FOXN3: variants seen among roughly 807,000 people sequenced by gnomAD.
The protein encoded by FOXN3 is forkhead box protein N3.
Under a neutral mutation model 38.4 loss-of-function variants are expected in FOXN3, and 7 were observed. The observed-to-expected ratio is 0.18, with a 90% confidence interval of 0.10 to 0.34. The LOEUF (loss-of-function observed/expected upper bound fraction) is 0.34. Ranked by LOEUF, FOXN3 falls within the 10% of genes least tolerant of loss-of-function variation. The pLI is 1.00. For missense variants in FOXN3, 456 were observed against 613.4 expected (o/e 0.74, Z 2.71); for synonymous variants, 230 against 242.2 (o/e 0.95, Z 0.47).
At chr14:89,264,738 A>T (rs546021598) in intron 4 of FOXN3, among the ~76,000 whole-genome samples, 2 of 152,268 alleles carry the variant, frequency 1.3e-5, no homozygotes, top group African/African-American at 4.8e-5. Context: ...GTTTCCACAA[A>T]CAAGTGCCAT....
chr14:89,363,959 T>TATATATATATATATA lies in FOXN3; in HGVS notation c.544-13166_544-13152dup, dbSNP rs1890004127. On this transcript the variant is annotated intron_variant, in intron 2 of 5. Transcript: ENST00000557258. ...ACCCTGTCTGTAAAATATATATATA[T>TATATATATATATATA]ATATATATATATATATATATATATA... 4.7e-4 allele frequency among the ~76,000 whole-genome samples: 5 copies of TATATATATATATATA among 10,688 alleles called. No individual in the cohort carries two copies. The South Asian group carries it at 0.019, about 40-fold the overall frequency. 7.0% of individuals were successfully genotyped at this position (10,688 alleles called of 152,430 possible).
intron 1 of FOXN3, among the ~76,000 whole-genome samples, chr14:89,488,205 C>T (rs1338334289): frequency 3.9e-5 from 6 of 151,924 alleles, no homozygotes; most frequent in African/African-American, 1.5e-4. Context: ...GCCTCAGCCT[C>T]CCCAGTAGCT....
chr14:89,447,177 C>A (rs1346212638), intron 1 of FOXN3, among the ~76,000 whole-genome samples: 1 of 140,722 alleles, frequency 7.1e-6, no homozygotes, highest in Admixed American at 7.4e-5. Flanking sequence ...GCCTGGACAA[C>A]AAGAGCAAAA....
chr14:89,523,732 G>A (rs1186629417), intron 1 of FOXN3, among the ~76,000 whole-genome samples: 1 of 151,584 alleles, frequency 6.6e-6, no homozygotes, highest in Admixed American at 6.6e-5. Context: ...TATTCGAAAA[G>A]AAAGGTCTTA....
rs141757720 is a variant in FOXN3 at position 89,410,781 on chromosome 14, G to A, written c.543+1153C>T. On this transcript the variant is annotated intron_variant, in intron 2 of 5. Transcript: ENST00000557258. ...CCAGCTTGTTCGAAGGCTGAGATGC[G>A]AGGATCACTCAAGCCCAGGAGGTCA... Among the ~76,000 whole-genome samples the A allele has an allele frequency of 4.0e-3, 611 of 151,802 alleles. 7 individuals are homozygous for A. Among genetic ancestry groups the A allele is most frequent in the African/African-American group, 0.013 (558 of 41,378 alleles).
intron 1 of FOXN3, among the ~76,000 whole-genome samples, chr14:89,536,831 A>T (rs2139843514): frequency 6.6e-6 from 1 of 152,252 alleles, no homozygotes; most frequent in East Asian, 1.9e-4. Context: ...AAATAAGGTC[A>T]TCCTCCAGGT....
intron 4 of FOXN3, among the ~76,000 whole-genome samples, chr14:89,257,108 T>A (rs1885647623): frequency 6.6e-6 from 1 of 151,784 alleles, no homozygotes; most frequent in Admixed American, 6.6e-5. Flanking sequence ...GCGGTGAGAG[T>A]CCCCCAGGGC....
intron 1 of FOXN3, among the ~76,000 whole-genome samples, chr14:89,441,774 A>C (rs1596275037): frequency 6.6e-6 from 1 of 152,266 alleles, no homozygotes; most frequent in East Asian, 1.9e-4. Context: ...AGTAGGCAGG[A>C]AGTTGGGATC....
At chr14:89,363,968 A>AT (rs1555421729) in intron 2 of FOXN3, among the ~76,000 whole-genome samples, 1 of 120,452 alleles carries the variant, frequency 8.3e-6, no homozygotes, top group African/African-American at 4.9e-5. Flanking sequence ...ATATATATAT[A>AT]TATATATATA....
intron 1 of FOXN3, among the ~76,000 whole-genome samples, chr14:89,531,740 T>C (rs933740332): frequency 3.9e-5 from 6 of 152,260 alleles, no homozygotes; most frequent in African/African-American, 1.4e-4. Context: ...ATCAGCAAAG[T>C]ACAATATCTA....
chr14:89,375,151 G>C (rs1278166883), intron 2 of FOXN3, among the ~76,000 whole-genome samples: 2 of 152,152 alleles, frequency 1.3e-5, no homozygotes, highest in Admixed American at 6.5e-5. Flanking sequence ...AACTTTTCAT[G>C]ATGAAACTGT....
At chr14:89,324,523 G>C (rs528885324) in intron 3 of FOXN3, among the ~76,000 whole-genome samples, 1 of 151,648 alleles carries the variant, frequency 6.6e-6, no homozygotes, top group Admixed American at 6.6e-5. Context: ...AAACAAAGCG[G>C]CAGTAGGATA....
intron 2 of FOXN3, among the ~76,000 whole-genome samples, chr14:89,365,754 T>C (rs1890122612): frequency 6.6e-6 from 1 of 152,166 alleles, no homozygotes; most frequent in African/African-American, 2.4e-5. Context: ...TTTATATACT[T>C]CTAATAGCTG....
chr14:89,180,718 C>A lies in FOXN3; in HGVS notation c.834G>T (p.Gly278=), dbSNP rs755521140. ...GVRPLPITPI[G]VTAAMRNGIT... ...CCACTTACCTCATGGCCGCTGTCAC[C>A]CCAATGGGAGTGATTGGCAGCGGCC... Residue 278 remains glycine (G), a synonymous_variant, in exon 5 of 6, where the codon GGG becomes GGT. Coordinates refer to ENST00000557258, the MANE Select transcript of FOXN3 (RefSeq NM_005197.4). The A allele has an allele frequency of 2.5e-6, 4 of 1,610,376 alleles. No individual in the cohort carries two copies. The highest frequency in any genetic ancestry group is 3.4e-6 in the Non-Finnish European group (4 of 1,178,232).
intron 1 of FOXN3, among the ~76,000 whole-genome samples, chr14:89,509,063 T>C (rs1894004755): frequency 6.6e-6 from 1 of 151,882 alleles, no homozygotes; most frequent in African/African-American, 2.4e-5. Flanking sequence ...TGCTCTGAGC[T>C]CATCTCCTAC....
chr14:89,616,025 AG>A (rs1477963169), intron 1 of FOXN3, among the ~76,000 whole-genome samples: 1 of 152,240 alleles, frequency 6.6e-6, no homozygotes, highest in East Asian at 1.9e-4. Context: ...CATGACTTAA[AG>A]GAAGACGTTT....
At chr14:89,380,606 C>T (rs755421976) in intron 2 of FOXN3, among the ~76,000 whole-genome samples, 1 of 152,216 alleles carries the variant, frequency 6.6e-6, no homozygotes, top group Non-Finnish European at 1.5e-5. Flanking sequence ...ACTGGAACCA[C>T]ACCCCTTATA....
intron 1 of FOXN3, among the ~76,000 whole-genome samples, chr14:89,550,313 T>C (rs1894976603): frequency 6.6e-6 from 1 of 152,176 alleles, no homozygotes; most frequent in Admixed American, 6.5e-5. Flanking sequence ...GGTCTTCATT[T>C]TCCAAATCAA....
At chr14:89,368,395 C>T (rs1890218735) in intron 2 of FOXN3, among the ~76,000 whole-genome samples, 1 of 151,664 alleles carries the variant, frequency 6.6e-6, no homozygotes, top group African/African-American at 2.4e-5. Context: ...ATAATCCCAG[C>T]ACTTTGGGAG....
Sources: allele counts gnomAD v4.1 joint callset (sites outside exome capture counted in the v4.1 genomes callset), GRCh38; gene constraint gnomAD v4.1.1; transcripts MANE v1.5; gene names NCBI Gene and HGNC (gene_info 2026-07-23, HGNC 2026-07-21).